The following FUT8 variants were observed in gnomAD, a reference collection of about 807,000 sequenced individuals.
FUT8 encodes fucosyltransferase 8.
In FUT8, 29 loss-of-function variants were observed where a neutral mutation model predicts 71.3. That is an observed-to-expected ratio of 0.41 (90% CI 0.30 to 0.55). The LOEUF (loss-of-function observed/expected upper bound fraction) is 0.55, where lower values mean the gene tolerates loss of function less well. Among genes scored for constraint, FUT8 ranks in the 20% least tolerant of loss-of-function variants. FUT8 has a pLI of 0.34. For synonymous variants in FUT8, 254 were observed against 239.3 expected (o/e 1.06, Z -0.57); for missense variants, 544 against 702.1 (o/e 0.77, Z 2.55).
rs183445722 is a variant in FUT8, at chr14:65,652,086, C to T, written c.598-17157C>T. On this transcript the variant is annotated intron_variant, in intron 6 of 10. Transcript: ENST00000673929. This position sits in a 1 kb window ranked among gnomAD's most constrained non-coding sequence, Gnocchi z 4.0. ...AGGATGGCTGGCAACCACCAGAAGC[C>T]GGGAGAGAGACATGGAACAACTTCT... 7.9e-5 allele frequency among the ~76,000 whole-genome samples: 12 copies of T among 152,210 alleles called. No homozygotes were observed. The highest frequency in any genetic ancestry group is 3.4e-3 in the Middle Eastern group (1 of 294).
chr14:65,379,761 C>T, the FUT8 span, among the ~76,000 whole-genome samples: 8 of 152,200 alleles, frequency 5.3e-5, no homozygotes, highest in East Asian at 1.9e-4. Flanking sequence ...TATAAACAAT[C>T]GAAATTTATT....
intron 6 of FUT8, among the ~76,000 whole-genome samples, chr14:65,645,537 T>C (rs1891083274): frequency 6.6e-6 from 1 of 152,222 alleles, no homozygotes; most frequent in Admixed American, 6.5e-5. Flanking sequence ...TTGTGGTACA[T>C]AACATTTGAA....
chr14:65,486,213 A>G (rs556208415), intron 2 of FUT8, among the ~76,000 whole-genome samples: 9 of 152,306 alleles, frequency 5.9e-5, no homozygotes, highest in South Asian at 2.1e-4. Flanking sequence ...AATCCCCCCA[A>G]TTATTCTGCA....
rs765120814 is a variant in FUT8 at position 65,574,071 on chromosome 14, C to G, written c.203+12305C>G. On this transcript the variant is annotated intron_variant, in intron 3 of 10. Coordinates refer to ENST00000673929, the MANE Select transcript of FUT8 (RefSeq NM_001371533.1). The surrounding 1 kb of genome is among the most constrained non-coding windows in gnomAD (Gnocchi z 5.2). ...GGCTCAATTAAAGAAGGATACAGTT[C>G]TAAAATCATGTGGTTGTTGGCAGAA... is the stretch of plus-strand genomic sequence containing the variant. Among the ~76,000 whole-genome samples, 1 of 152,080 alleles carries G rather than the reference C, an allele frequency of 6.6e-6. No homozygotes were observed. The highest frequency in any genetic ancestry group is 1.5e-5 in the Non-Finnish European group (1 of 68,022).
At chr14:65,700,385 T>TG (rs1312368618) in intron 7 of FUT8, among the ~76,000 whole-genome samples, 4 of 116,200 alleles carry the variant, frequency 3.4e-5, no homozygotes, top group Non-Finnish European at 5.4e-5. Flanking sequence ...CTTTCTGTTT[T>TG]TTTTTTTTTT....
intron 2 of FUT8, among the ~76,000 whole-genome samples, chr14:65,530,795 C>T (rs1458170546): frequency 1.3e-5 from 2 of 150,898 alleles, no homozygotes; most frequent in East Asian, 2.0e-4. Context: ...TATGCTCTTA[C>T]GTTCTCTCTC....
chr14:65,449,828 T>A (rs918582531), intron 1 of FUT8, among the ~76,000 whole-genome samples: 3 of 152,216 alleles, frequency 2.0e-5, no homozygotes, highest in African/African-American at 7.2e-5. Context: ...TGGGGAAACC[T>A]AGAATGGCCT....
At chr14:65,650,297 TCAAAAAAA>T (rs1891317029) in intron 6 of FUT8, among the ~76,000 whole-genome samples, 1 of 7,360 alleles carries the variant, frequency 1.4e-4, no homozygotes, top group Non-Finnish European at 3.5e-4. Flanking sequence ...AGACTCTGTC[TCAAAAAAA>T]AAAAAAAAAA....
chr14:65,412,213 A>G (rs924045735), upstream of FUT8: 1 of 456,580 alleles, frequency 2.2e-6, no homozygotes, highest in Non-Finnish European at 4.4e-6. Flanking sequence ...TGGGGGAGCG[A>G]TGCCATTGTA....
chr14:65,574,912 A>G lies in FUT8; in HGVS notation c.203+13146A>G, dbSNP rs75544224. On this transcript the variant is annotated intron_variant, in intron 3 of 10. Transcript: ENST00000673929. This position sits in a 1 kb window ranked among gnomAD's most constrained non-coding sequence, Gnocchi z 5.2. ...GCTTGAAGGCAGGGTTGCTGAACAG[A>G]TACTTCATTTATTTCGTTGATGTTG... Among the ~76,000 whole-genome samples, 32 of 152,240 alleles carry G rather than the reference A, an allele frequency of 2.1e-4. No individual in the cohort carries two copies. Among genetic ancestry groups the G allele is most frequent in the African/African-American group, 7.5e-4 (31 of 41,546 alleles).
chr14:65,522,337 C>T (rs1421819797), intron 2 of FUT8, among the ~76,000 whole-genome samples: 1 of 152,052 alleles, frequency 6.6e-6, no homozygotes, highest in Non-Finnish European at 1.5e-5. Flanking sequence ...TTCTAATTTA[C>T]CAACTCAGAG....
intron 1 of FUT8, among the ~76,000 whole-genome samples, chr14:65,436,628 CAA>C (rs34862450): frequency 0.68 from 87,223 of 129,166 alleles, 28,150 homozygotes; most frequent in East Asian, 0.88. Flanking sequence ...GACTCCCTCT[CAA>C]AAAAAAAAAA....
chr14:65,501,775 A>G (rs1049882215), intron 2 of FUT8, among the ~76,000 whole-genome samples: 5 of 152,144 alleles, frequency 3.3e-5, no homozygotes, highest in African/African-American at 9.7e-5. Context: ...TTTCCTAGCT[A>G]CTTGGACCCC....
chr14:65,627,946 T>A lies in FUT8; in HGVS notation c.483-1546T>A, dbSNP rs541813437. Reference sequence around the variant, plus strand: ...GTTAAGGGGGTGCCTTCTTCTGCCCTCTTAAGTCTGCCTAGCTACCTACTC... The same window carrying A: ...GTTAAGGGGGTGCCTTCTTCTGCCCACTTAAGTCTGCCTAGCTACCTACTC... On this transcript the variant is annotated intron_variant, in intron 5 of 10. Coordinates refer to ENST00000673929, the MANE Select transcript of FUT8 (RefSeq NM_001371533.1). This position sits in a 1 kb window ranked among gnomAD's most constrained non-coding sequence, Gnocchi z 4.0. Among the ~76,000 whole-genome samples, 1 of 152,162 alleles carries A rather than the reference T, an allele frequency of 6.6e-6. No homozygotes were observed. Among genetic ancestry groups the A allele is most frequent in the Non-Finnish European group, 1.5e-5 (1 of 68,026 alleles).
At chr14:65,651,756 A>G (rs1891420240) in intron 6 of FUT8, among the ~76,000 whole-genome samples, 1 of 152,220 alleles carries the variant, frequency 6.6e-6, no homozygotes, top group African/African-American at 2.4e-5. Context: ...CTAAATTAAA[A>G]ATTAGCTCAG....
intron 1 of FUT8, among the ~76,000 whole-genome samples, chr14:65,427,493 C>G (rs2065407748): frequency 6.6e-6 from 1 of 152,156 alleles, no homozygotes; most frequent in South Asian, 2.1e-4. Context: ...TGAGGTGATA[C>G]AGAATTGTGG....
At chr14:65,535,896 G>A (rs541805094) in intron 2 of FUT8, among the ~76,000 whole-genome samples, 18 of 152,200 alleles carry the variant, frequency 1.2e-4, no homozygotes, top group African/African-American at 3.9e-4. Context: ...GACTCCCACT[G>A]TTATTGTGTG....
At chr14:65,542,692 A>G (rs570534249) in intron 2 of FUT8, among the ~76,000 whole-genome samples, 20 of 152,302 alleles carry the variant, frequency 1.3e-4, no homozygotes, top group African/African-American at 3.4e-4. Flanking sequence ...ATGTGTTTGA[A>G]TTTGCACCTT....
intron 7 of FUT8, among the ~76,000 whole-genome samples, chr14:65,684,091 G>A (rs953894609): frequency 6.6e-6 from 1 of 151,452 alleles, no homozygotes; most frequent in Non-Finnish European, 1.5e-5. Context: ...CAGATATTTT[G>A]GTTGGCATTG....
Sources: allele counts gnomAD v4.1 joint callset (sites outside exome capture counted in the v4.1 genomes callset), GRCh38; gene constraint gnomAD v4.1.1; non-coding constraint Gnocchi (gnomAD v3.1); transcripts MANE v1.5; gene names NCBI Gene and HGNC (gene_info 2026-07-23, HGNC 2026-07-21).